TBC1D22A: variants seen among roughly 807,000 people sequenced by gnomAD.
The protein encoded by TBC1D22A is TBC1 domain family member 22A.
In TBC1D22A, 38 loss-of-function variants were observed where a neutral mutation model predicts 60.2. The ratio of observed to expected loss-of-function variants is 0.63; its 90% confidence interval spans 0.49 to 0.83. The LOEUF (loss-of-function observed/expected upper bound fraction) is 0.83, where lower values mean the gene tolerates loss of function less well. Ranked by LOEUF, TBC1D22A falls within the 40% of genes least tolerant of loss-of-function variation. The pLI is 0.00. For synonymous variants in TBC1D22A, 302 were observed against 281.7 expected (o/e 1.07, Z -0.72); for missense variants, 628 against 701.0 (o/e 0.90, Z 1.18).
intron 1 of TBC1D22A, chr22:46,774,149 G>C (rs1459970043): frequency 1.0e-6 from 1 of 985,540 alleles, no homozygotes; most frequent in Admixed American, 6.1e-5. Flanking sequence ...TTGGAGCCCT[G>C]CTGAGCTCAG....
intron 11 of TBC1D22A, among the ~76,000 whole-genome samples, chr22:47,056,494 G>A (rs1384109937): frequency 6.6e-6 from 1 of 152,074 alleles, no homozygotes; most frequent in East Asian, 1.9e-4. Flanking sequence ...CCAGAGAGAA[G>A]CTGCCGTTTG....
chr22:46,919,690 T>C (rs373259206), intron 8 of TBC1D22A, among the ~76,000 whole-genome samples: 1 of 151,354 alleles, frequency 6.6e-6, no homozygotes. Flanking sequence ...CCTGCAGGAG[T>C]GTGTCCACAT....
chr22:47,048,660 C>T (rs1030166934), intron 11 of TBC1D22A, among the ~76,000 whole-genome samples: 11 of 152,174 alleles, frequency 7.2e-5, no homozygotes, highest in African/African-American at 2.7e-4. Context: ...TTTCCTCTGC[C>T]GTCCCCTGTG....
intron 1 of TBC1D22A, among the ~76,000 whole-genome samples, chr22:46,779,524 G>A (rs1031433279): frequency 3.9e-5 from 6 of 152,152 alleles, no homozygotes; most frequent in Non-Finnish European, 1.5e-5. Context: ...CTCCCAAAGA[G>A]CTGGAATTAC....
At chr22:47,087,272 C>T (rs1386813032) in intron 11 of TBC1D22A, among the ~76,000 whole-genome samples, 7 of 152,238 alleles carry the variant, frequency 4.6e-5, no homozygotes, top group Non-Finnish European at 1.0e-4. Flanking sequence ...AGATGAGATA[C>T]AAAGGGTCAG....
At chr22:46,820,023 A>G (rs976056459) in intron 4 of TBC1D22A, among the ~76,000 whole-genome samples, 83 of 152,294 alleles carry the variant, frequency 5.4e-4, no homozygotes, top group African/African-American at 1.9e-3. Context: ...GTTTATTTGC[A>G]TAGAGGTGTT....
At chr22:47,078,582 C>T (rs969688944) in intron 11 of TBC1D22A, among the ~76,000 whole-genome samples, 28 of 152,234 alleles carry the variant, frequency 1.8e-4, no homozygotes, top group African/African-American at 5.5e-4. Flanking sequence ...CACGCAGTGC[C>T]GTGTCACAGG....
Position 47,173,944 on chromosome 22 carries a change from G to A in TBC1D22A, c.*318G>A, listed in dbSNP as rs868459378. On this transcript the variant is annotated 3_prime_UTR_variant, in exon 13 of 13. Coordinates refer to ENST00000337137, the MANE Select transcript of TBC1D22A (RefSeq NM_014346.5). Reference sequence around the variant, plus strand: ...GACTGCCTCGTGCTGCCCCTAGTCCGGGGCAGCCTAGGAGGCCGACCCTCT... The same window carrying A: ...GACTGCCTCGTGCTGCCCCTAGTCCAGGGCAGCCTAGGAGGCCGACCCTCT... 13 of 275,396 alleles carry A rather than the reference G, an allele frequency of 4.7e-5. No individual in the cohort carries two copies. The highest frequency in any genetic ancestry group is 7.7e-5 in the Non-Finnish European group (11 of 142,070). 17.1% of individuals were successfully genotyped at this position (275,396 alleles called of 1,614,324 possible).
intron 11 of TBC1D22A, among the ~76,000 whole-genome samples, chr22:47,055,370 G>C (rs898035367): frequency 6.6e-6 from 1 of 152,216 alleles, no homozygotes. Context: ...AACTGATGCC[G>C]GAGTGGTCAG....
intron 11 of TBC1D22A, among the ~76,000 whole-genome samples, chr22:47,041,255 T>C (rs950227887): frequency 6.6e-6 from 1 of 152,218 alleles, no homozygotes; most frequent in Non-Finnish European, 1.5e-5. Flanking sequence ...GTATCTTTAA[T>C]CATCACTGCC....
At chr22:47,012,562 C>G (rs1452667507) in intron 10 of TBC1D22A, among the ~76,000 whole-genome samples, 1 of 152,174 alleles carries the variant, frequency 6.6e-6, no homozygotes, top group African/African-American at 2.4e-5. Flanking sequence ...ACCTGTTTCT[C>G]TACTCTGTTT....
intron 4 of TBC1D22A, among the ~76,000 whole-genome samples, chr22:46,866,756 C>T (rs1181339667): frequency 2.0e-5 from 3 of 152,142 alleles, no homozygotes; most frequent in Non-Finnish European, 4.4e-5. Context: ...ATGAGACAGC[C>T]CTTCAGGAAT....
chr22:47,005,225 A>T (rs1476582334), intron 10 of TBC1D22A, among the ~76,000 whole-genome samples: 1 of 151,588 alleles, frequency 6.6e-6, no homozygotes, highest in Admixed American at 6.6e-5. Flanking sequence ...ATATATACAC[A>T]CATGCCTATA....
intron 1 of TBC1D22A, among the ~76,000 whole-genome samples, chr22:46,792,067 A>G (rs558879130): frequency 9.2e-5 from 14 of 152,342 alleles, no homozygotes; most frequent in Non-Finnish European, 1.9e-4. Flanking sequence ...AGCCTGTTCA[A>G]TCTTTTAAAA....
intron 12 of TBC1D22A, among the ~76,000 whole-genome samples, chr22:47,171,484 T>C (rs1423174393): frequency 1.3e-5 from 2 of 152,128 alleles, no homozygotes; most frequent in South Asian, 2.1e-4. Context: ...ATCTGAGCAG[T>C]GTAGACCCCT....
rs551340802 is a variant in TBC1D22A, at chr22:47,147,587, C to T, written c.1426-25911C>T. Among the ~76,000 whole-genome samples the T allele has an allele frequency of 4.3e-3, 650 of 152,364 alleles. 4 individuals are homozygous for T. Among genetic ancestry groups the T allele is most frequent in the Non-Finnish European group, 6.3e-3 (432 of 68,036 alleles). On this transcript the variant is annotated intron_variant, in intron 12 of 12. Coordinates refer to ENST00000337137, the MANE Select transcript of TBC1D22A (RefSeq NM_014346.5). ...GGCCTTGGGGCATAGGTGCGCCCTG[C>T]TGTTTCCATCCGGGCTGCATTTGGC... is the stretch of plus-strand genomic sequence containing the variant.
intron 4 of TBC1D22A, among the ~76,000 whole-genome samples, chr22:46,808,768 G>A (rs1048320212): frequency 2.1e-4 from 32 of 152,276 alleles, no homozygotes; most frequent in African/African-American, 7.5e-4. Context: ...CTAATTTTTT[G>A]TATTGTTAGT....
At chr22:46,785,894 C>T (rs2084139889) in intron 1 of TBC1D22A, among the ~76,000 whole-genome samples, 1 of 152,192 alleles carries the variant, frequency 6.6e-6, no homozygotes, top group Admixed American at 6.5e-5. Flanking sequence ...GATTCTCCTG[C>T]TTCAGCCTGC....
chr22:46,915,827 C>A (rs2070328637), intron 8 of TBC1D22A: 2 of 456,358 alleles, frequency 4.4e-6, no homozygotes, highest in African/African-American at 2.0e-5. Context: ...GTGGGGAATC[C>A]TGGAGTGTGG....
Sources: gnomAD v4.1 joint callset for allele counts (sites outside exome capture counted in the v4.1 genomes callset) on GRCh38, gnomAD v4.1.1 for gene constraint, MANE v1.5 for transcripts, NCBI Gene and HGNC (gene_info 2026-07-23, HGNC 2026-07-21) for gene names.